EFNB2: variants seen among roughly 807,000 people sequenced by gnomAD.
EFNB2 encodes the protein ephrin B2.
A neutral mutation model predicts 32.1 loss-of-function variants in EFNB2; 5 were observed. That is an observed-to-expected ratio of 0.16 (90% CI 0.08 to 0.33). The LOEUF (loss-of-function observed/expected upper bound fraction) is 0.33, where lower values mean the gene tolerates loss of function less well. Ranked by LOEUF, EFNB2 falls within the 10% of genes least tolerant of loss-of-function variation. EFNB2 has a pLI of 1.00. For missense variants in EFNB2, 263 were observed against 422.6 expected, an observed-to-expected ratio of 0.62 and a Z score of 3.31; for synonymous variants, 168 against 166.5, an observed-to-expected ratio of 1.01 and a Z score of -0.07.
chr13:106,494,092 T>C (rs1463693105), intron 4 of EFNB2, among the ~76,000 whole-genome samples: 2 of 152,246 alleles, frequency 1.3e-5, no homozygotes, highest in Admixed American at 1.3e-4. Flanking sequence ...TATCAGTTTG[T>C]CACAAGAATT....
intron 1 of EFNB2, among the ~76,000 whole-genome samples, chr13:106,523,263 T>C (rs186003639): frequency 4.4e-4 from 67 of 152,316 alleles, no homozygotes; most frequent in Admixed American, 1.9e-3. Flanking sequence ...ACTGGGTTCC[T>C]GACTTCCATA....
chr13:106,495,495 CTATTATCT>C (rs1269363999), intron 3 of EFNB2, among the ~76,000 whole-genome samples: 1 of 132,778 alleles, frequency 7.5e-6, no homozygotes, highest in Non-Finnish European at 1.6e-5. Flanking sequence ...ATCTATCTAT[CTATTATCT>C]ATCTATCTAT....
At chr13:106,501,080 C>A (rs1594163476) in intron 2 of EFNB2, among the ~76,000 whole-genome samples, 1 of 152,148 alleles carries the variant, frequency 6.6e-6, no homozygotes, top group East Asian at 1.9e-4. Context: ...TATTTAACAC[C>A]CTGACATCAA....
intron 1 of EFNB2, among the ~76,000 whole-genome samples, chr13:106,527,962 GA>G (rs1441402849): frequency 4.6e-5 from 7 of 152,206 alleles, no homozygotes; most frequent in Non-Finnish European, 1.0e-4. Context: ...GTCTGCGTTT[GA>G]AAAGCTGAAG....
intron 3 of EFNB2, among the ~76,000 whole-genome samples, chr13:106,495,502 C>CTATCTATCTATCTAT (rs1566454538): frequency 7.4e-4 from 54 of 72,924 alleles, no homozygotes; most frequent in African/African-American, 2.9e-3. Flanking sequence ...TATCTATTAT[C>CTATCTATCTATCTAT]TATCTATCTA....
At chr13:106,523,418 A>AT (rs1173396841) in intron 1 of EFNB2, among the ~76,000 whole-genome samples, 1 of 152,200 alleles carries the variant, frequency 6.6e-6, no homozygotes, top group Non-Finnish European at 1.5e-5. Context: ...CCTAGAAGTT[A>AT]AATACTATAA....
At chr13:106,494,808 G>C (rs1030380393) in intron 4 of EFNB2, 73 bp downstream of exon 4, 1 of 1,182,906 alleles carries the variant, frequency 8.5e-7, no homozygotes, top group Non-Finnish European at 1.3e-6. Context: ...TTTAGACTCT[G>C]CCCTACCTTT....
At chr13:106,497,588 C>T (rs370205411) in intron 2 of EFNB2, among the ~76,000 whole-genome samples, 16 of 152,050 alleles carry the variant, frequency 1.1e-4, no homozygotes, top group Admixed American at 7.2e-4. Flanking sequence ...ATGTGCACAA[C>T]GTGCAGGTTT....
chr13:106,529,729 C>T (rs1425783875), intron 1 of EFNB2, among the ~76,000 whole-genome samples: 1 of 152,228 alleles, frequency 6.6e-6, no homozygotes. Context: ...GGATTTACCA[C>T]ATTATTTTTA....
In EFNB2 at chr13:106,512,509, A is replaced by G. The variant is rs1295391714; in HGVS notation, c.406+20T>C. 1 of 1,447,604 alleles carries G rather than the reference A, an allele frequency of 6.9e-7. No homozygotes were observed. Among genetic ancestry groups the G allele is most frequent in the Non-Finnish European group, 9.3e-7 (1 of 1,077,684 alleles). 89.7% of individuals were successfully genotyped at this position (1,447,604 alleles called of 1,614,324 possible). A position where few individuals can be genotyped will look rare whatever the true frequency, so the allele number is the denominator to read the frequency against. On this transcript the variant is annotated intron_variant, in intron 2 of 4. Transcript: ENST00000646441. ...GCTTATCTTAATTTCTATAAAATAAATGAATAAAATTATACTTACATATAA... is the reference window on the plus strand; with the variant it reads ...GCTTATCTTAATTTCTATAAAATAAGTGAATAAAATTATACTTACATATAA...
intron 1 of EFNB2, chr13:106,521,340 GTT>G (rs1388012990): frequency 1.3e-5 from 2 of 152,162 alleles, no homozygotes; most frequent in African/African-American, 4.8e-5. Context: ...ACACAAACCA[GTT>G]TAGCAACTCT....
rs140961480 is a variant in EFNB2 at position 106,498,916 on chromosome 13, T to C, written c.407-3076A>G. 9.3e-3 allele frequency among the ~76,000 whole-genome samples: 1,415 copies of C among 152,304 alleles called. 9 individuals carry two copies. Among genetic ancestry groups the C allele is most frequent in the Non-Finnish European group, 0.016 (1,062 of 68,028 alleles). ...ACTTGCAAAGGGTACTGGAAGATAC[T>C]GAAAAATTCACTACTAATATCAAAA... On this transcript the variant is annotated intron_variant, in intron 2 of 4. Coordinates refer to ENST00000646441, the MANE Select transcript of EFNB2 (RefSeq NM_004093.4).
At chr13:106,520,073 A>T (rs1424699891) in intron 1 of EFNB2, 2 of 152,212 alleles carry the variant, frequency 1.3e-5, no homozygotes, top group South Asian at 4.1e-4. Context: ...TAATCATTGA[A>T]CTGTACAAAC....
At chr13:106,500,466 C>T (rs557571148) in intron 2 of EFNB2, among the ~76,000 whole-genome samples, 6 of 152,050 alleles carry the variant, frequency 3.9e-5, no homozygotes, top group South Asian at 2.1e-4. Context: ...AAAAATGTAG[C>T]GTATTTGTAT....
intron 2 of EFNB2, among the ~76,000 whole-genome samples, chr13:106,505,336 G>A (rs529849907): frequency 2.6e-5 from 4 of 152,292 alleles, no homozygotes; most frequent in South Asian, 2.1e-4. Context: ...TAACAACGCC[G>A]GCCTAAGGGT....
intron 2 of EFNB2, among the ~76,000 whole-genome samples, chr13:106,502,902 C>A (rs1878829799): frequency 6.6e-6 from 1 of 152,110 alleles, no homozygotes; most frequent in Non-Finnish European, 1.5e-5. Context: ...TGCGTGCAAG[C>A]ACATGTACAC....
rs1011985151 is a variant in EFNB2 at position 106,518,290 on chromosome 13, C to G, written c.123-5478G>C. Reference sequence around the variant, plus strand: ...GGCGGAGGTTGCAGTGAGCCGAGATCGCACTACTGCACTCCAGCCTGGGTG... The same window carrying G: ...GGCGGAGGTTGCAGTGAGCCGAGATGGCACTACTGCACTCCAGCCTGGGTG... On this transcript the variant is annotated intron_variant, in intron 1 of 4. Transcript: ENST00000646441. The surrounding 1 kb of genome is among the most constrained non-coding windows in gnomAD (Gnocchi z 4.1). The G allele has an allele frequency of 1.3e-5, 2 of 152,126 alleles. No homozygotes were observed. Among genetic ancestry groups the G allele is most frequent in the Non-Finnish European group, 2.9e-5 (2 of 68,032 alleles). 9.4% of individuals were successfully genotyped at this position (152,126 alleles called of 1,614,324 possible). A position where few individuals can be genotyped will look rare whatever the true frequency, so the allele number is the denominator to read the frequency against.
intron 2 of EFNB2, among the ~76,000 whole-genome samples, chr13:106,497,515 C>CT (rs1373474632): frequency 6.7e-6 from 1 of 150,110 alleles, no homozygotes; most frequent in Non-Finnish European, 1.5e-5. Flanking sequence ...TAAAAAAAAT[C>CT]TTTTTAATTA....
At chr13:106,501,670 A>G (rs1878785548) in intron 2 of EFNB2, among the ~76,000 whole-genome samples, 2 of 149,916 alleles carry the variant, frequency 1.3e-5, no homozygotes, top group Non-Finnish European at 3.0e-5. Flanking sequence ...TTGGCTCACC[A>G]CAAGCTCTGC....
Sources: allele counts gnomAD v4.1 joint callset (sites outside exome capture counted in the v4.1 genomes callset), GRCh38; gene constraint gnomAD v4.1.1; non-coding constraint Gnocchi (gnomAD v3.1); transcripts MANE v1.5; gene names NCBI Gene and HGNC (gene_info 2026-07-23, HGNC 2026-07-21).